BCL2L11: variants seen among roughly 807,000 people sequenced by gnomAD.
BCL2L11 encodes the protein bcl-2-like protein 11.
Under a neutral mutation model 20.6 loss-of-function variants are expected in BCL2L11, and 15 were observed. The ratio of observed to expected loss-of-function variants is 0.73; its 90% CI spans 0.49 to 1.12. The LOEUF is 1.12. Among genes scored for constraint, BCL2L11 ranks in the 50% most tolerant of loss-of-function variants. The pLI, the probability that BCL2L11 is intolerant of heterozygous loss-of-function variation, is 0.00. For synonymous variants in BCL2L11, 108 were observed against 92.8 expected (o/e 1.16, Z -0.94); for missense variants, 292 against 260.9 (o/e 1.12, Z -0.82).
chr2:111,146,477 G>A (rs2076526609), intron 2 of BCL2L11, among the ~76,000 whole-genome samples: 1 of 152,222 alleles, frequency 6.6e-6, no homozygotes, highest in South Asian at 2.1e-4. Flanking sequence ...GGAGCAGCGT[G>A]TGTTTGGAGA....
intron 2 of BCL2L11, among the ~76,000 whole-genome samples, chr2:111,124,447 C>G (rs1329077664): frequency 6.6e-6 from 1 of 152,106 alleles, no homozygotes; most frequent in Non-Finnish European, 1.5e-5. Context: ...CGTGCCACCA[C>G]GCCCAGCTAA....
chr2:111,130,535 A>G (rs1016487056), intron 2 of BCL2L11, among the ~76,000 whole-genome samples: 2 of 152,348 alleles, frequency 1.3e-5, no homozygotes, highest in East Asian at 1.9e-4. Flanking sequence ...TGGGAGGTCT[A>G]TATAGTTATG....
At chr2:111,121,218 C>A (rs918274633) in intron 1 of BCL2L11, 30 bp downstream of exon 1, 9 of 214,744 alleles carry the variant, frequency 4.2e-5, no homozygotes, top group African/African-American at 1.9e-4. Flanking sequence ...GGGGCGCGGG[C>A]CTGGCACCGA....
At chr2:111,142,269 A>G (rs977428731) in intron 2 of BCL2L11, 133 of 1,492,278 alleles carry the variant, frequency 8.9e-5, no homozygotes, top group Non-Finnish European at 1.2e-4. Context: ...CTGTCTGGGA[A>G]GACATGGCAC....
At chr2:111,123,437 C>T (rs947979215) in intron 1 of BCL2L11, 1 of 985,360 alleles carries the variant, frequency 1.0e-6, no homozygotes, top group Admixed American at 6.1e-5. Context: ...GCAAAGAGCA[C>T]ACACGAATAG....
intron 1 of BCL2L11, chr2:111,123,051 G>T (rs1185119369): frequency 6.2e-6 from 6 of 975,238 alleles, no homozygotes; most frequent in Non-Finnish European, 1.2e-6. Context: ...GTCGCCCTCC[G>T]CCGCCCCCTC....
chr2:111,151,707 A>C (rs1165712061), intron 3 of BCL2L11: 2 of 852,536 alleles, frequency 2.3e-6, no homozygotes, highest in Admixed American at 2.0e-5. Flanking sequence ...CACACATCGG[A>C]TCTTCCTACC....
Position 111,150,154 on chromosome 2 carries a change from A to G in BCL2L11, c.498+7A>G, listed in dbSNP as rs1043863932. The stretch of plus-strand genomic sequence containing the variant: ...CGCTTACTATGCAAGGAGGGTAATG[A>G]TGTTTTCTTTACCCGCTTTTCTGCT... On this transcript the variant is annotated splice_region_variant and intron_variant, in intron 3 of 3. Transcript: ENST00000393256. 5.0e-6 allele frequency: 8 copies of G among 1,613,070 alleles called. No individual in the cohort carries two copies. The highest frequency in any genetic ancestry group is 1.3e-5 in the African/African-American group (1 of 74,890).
At chr2:111,125,699 G>A (rs1372665327) in intron 2 of BCL2L11, among the ~76,000 whole-genome samples, 2 of 151,542 alleles carry the variant, frequency 1.3e-5, no homozygotes, top group African/African-American at 4.8e-5. Flanking sequence ...CACCTGTGAG[G>A]TGGTGGGGAG....
At chr2:111,155,531 A>G (rs2077719623) in intron 3 of BCL2L11, among the ~76,000 whole-genome samples, 1 of 152,132 alleles carries the variant, frequency 6.6e-6, no homozygotes, top group Non-Finnish European at 1.5e-5. Context: ...TCTTGGAATA[A>G]CTGGACCCAT....
At chr2:111,129,952 T>A (rs1574945664) in intron 2 of BCL2L11, among the ~76,000 whole-genome samples, 1 of 152,182 alleles carries the variant, frequency 6.6e-6, no homozygotes, top group East Asian at 1.9e-4. Context: ...TAGTGCCTTG[T>A]TTTTTTATTG....
At chr2:111,135,352 A>G (rs991015147) in intron 2 of BCL2L11, among the ~76,000 whole-genome samples, 2 of 152,136 alleles carry the variant, frequency 1.3e-5, no homozygotes, top group Non-Finnish European at 1.5e-5. Flanking sequence ...GTACTTTCCA[A>G]ACAAAAGAGG....
chr2:111,141,611 C>A (rs1431470936), intron 2 of BCL2L11, among the ~76,000 whole-genome samples: 1 of 151,360 alleles, frequency 6.6e-6, no homozygotes, highest in East Asian at 1.9e-4. Flanking sequence ...ACATGTATAC[C>A]TATGTAACTA....
rs55798204 is a variant in BCL2L11, at chr2:111,160,128, G to C, written c.499-4005G>C. 3.7e-3 allele frequency among the ~76,000 whole-genome samples: 562 copies of C among 152,284 alleles called. 3 individuals are homozygous for C. Among genetic ancestry groups the C allele is most frequent in the African/African-American group, 0.013 (538 of 41,554 alleles). ...CTGGCCCCTTCTGCCTGTTGGCCTT[G>C]CTGCCTCTGCCCAGCTTCTCTCTCC... is the stretch of plus-strand genomic sequence containing the variant. On this transcript the variant is annotated intron_variant, in intron 3 of 3. Transcript: ENST00000393256.
chr2:111,156,582 G>A (rs1216103179), intron 3 of BCL2L11, among the ~76,000 whole-genome samples: 1 of 152,146 alleles, frequency 6.6e-6, no homozygotes, highest in African/African-American at 2.4e-5. Flanking sequence ...CAGACTTTTG[G>A]GAGAACATGT....
In BCL2L11 at chr2:111,135,100, C is replaced by T. The variant is rs556015363; in HGVS notation, c.394+10961C>T. On this transcript the variant is annotated intron_variant, in intron 2 of 3. Transcript: ENST00000393256. Reference sequence around the variant, plus strand: ...TCTTTAAATACTTTTCCAGTCCCTTCCTCTCTTTTGGAACTCTGATGATAA... The same window carrying T: ...TCTTTAAATACTTTTCCAGTCCCTTTCTCTCTTTTGGAACTCTGATGATAA... Among the ~76,000 whole-genome samples the T allele has an allele frequency of 2.0e-5, 3 of 152,190 alleles. No individual in the cohort carries two copies. In the East Asian group the frequency reaches 5.8e-4, roughly 29 times the overall value.
chr2:111,124,038 C>G lies in BCL2L11; in HGVS notation c.293C>G (p.Ser98Cys), dbSNP rs866570504. ...TCTCGATCCTCCAGTGGGTATTTCT[C>G]TTTTGACACAGACAGGAGCCCAGCA... is the stretch of plus-strand genomic sequence containing the variant. ...LLSRSSSGYF[S>C]FDTDRSPAPM... The change falls in exon 2 of 4, where the codon TCT (serine) becomes TGT (cysteine). Residue 98 changes from serine (S) to cysteine (C), a missense_variant. Coordinates refer to ENST00000393256, the MANE Select transcript of BCL2L11 (RefSeq NM_138621.5). 6.2e-7 allele frequency: 1 copy of G among 1,614,198 alleles called. No individual in the cohort carries two copies. The highest frequency in any genetic ancestry group is 8.5e-7 in the Non-Finnish European group (1 of 1,180,032).
chr2:111,122,585 C>G, intron 1 of BCL2L11: 1 of 983,210 alleles, frequency 1.0e-6, no homozygotes, highest in Non-Finnish European at 1.2e-6. Context: ...GCGCCAGCGG[C>G]GCGGGGAGGT....
intron 2 of BCL2L11, among the ~76,000 whole-genome samples, chr2:111,141,512 T>G (rs1408666174): frequency 2.2e-3 from 204 of 93,352 alleles, no homozygotes; most frequent in African/African-American, 8.1e-3. Flanking sequence ...TGGGGACTGT[T>G]GTGGGGTGGG....
Sources: allele counts gnomAD v4.1 joint callset (sites outside exome capture counted in the v4.1 genomes callset), GRCh38; gene constraint gnomAD v4.1.1; transcripts MANE v1.5; gene names NCBI Gene and HGNC (gene_info 2026-07-23, HGNC 2026-07-21).